Variants in UBR3 observed in about 807,000 individuals in gnomAD.
UBR3 encodes E3 ubiquitin-protein ligase UBR3.
Under a neutral mutation model 243.2 loss-of-function variants are expected in UBR3, and 85 were observed. That is an observed-to-expected ratio of 0.35 (90% CI 0.29 to 0.42). UBR3 has a LOEUF of 0.42. UBR3 is among the 10% of genes least tolerant of loss of function. UBR3 has a pLI of 1.00. For missense variants in UBR3, 1,686 were observed against 2,300.8 expected (o/e 0.73, Z 5.47); for synonymous variants, 748 against 799.8 (o/e 0.94, Z 1.09).
intron 1 of UBR3, among the ~76,000 whole-genome samples, chr2:169,864,160 G>A (rs971294417): frequency 2.6e-5 from 4 of 151,864 alleles, no homozygotes; most frequent in East Asian, 1.9e-4. Flanking sequence ...ATCTTCCTAC[G>A]TCAGCCTCCT....
intron 30 of UBR3, among the ~76,000 whole-genome samples, chr2:170,018,756 C>T (rs570253788): frequency 1.7e-3 from 253 of 152,202 alleles, no homozygotes; most frequent in African/African-American, 5.8e-3. Flanking sequence ...TAAGTACCAC[C>T]AACTTGGTTA....
chr2:170,049,684 G>A lies in UBR3; in HGVS notation c.4661-5776G>A, dbSNP rs1475950482. Among the ~76,000 whole-genome samples the A allele has an allele frequency of 2.6e-5, 4 of 152,042 alleles. No homozygotes were observed. The East Asian group carries it at 5.8e-4, about 22-fold the overall frequency. On this transcript the variant is annotated intron_variant, in intron 32 of 38. Transcript: ENST00000272793. ...TTACCTTGTGTTGCCCTTTCTAGAA[G>A]CCTTTCTATTGGATATCCTTTTTCT...
intron 30 of UBR3, among the ~76,000 whole-genome samples, chr2:170,021,701 T>G (rs1160520865): frequency 6.6e-6 from 1 of 152,150 alleles, no homozygotes; most frequent in Admixed American, 6.5e-5. Context: ...AGAATGAGAT[T>G]TATCCCCATG....
chr2:169,970,235 G>GTT (rs531832498), intron 24 of UBR3, among the ~76,000 whole-genome samples: 1,542 of 85,548 alleles, frequency 0.018, 18 homozygotes, highest in South Asian at 0.024. Flanking sequence ...TTGTTCCTAG[G>GTT]TTTTTTTTTT....
At chr2:169,959,496 A>G (rs982921935) in intron 24 of UBR3, among the ~76,000 whole-genome samples, 3 of 151,730 alleles carry the variant, frequency 2.0e-5, no homozygotes, top group Non-Finnish European at 4.4e-5. Flanking sequence ...TTTTCTGGCA[A>G]TTGTTGATTT....
chr2:170,010,789 C>G (rs2090059567), intron 29 of UBR3, among the ~76,000 whole-genome samples: 1 of 152,240 alleles, frequency 6.6e-6, no homozygotes, highest in South Asian at 2.1e-4. Context: ...ACTTTATTAT[C>G]TTTTGCTTGG....
chr2:169,953,828 T>C (rs981923413), intron 23 of UBR3, among the ~76,000 whole-genome samples: 2 of 152,190 alleles, frequency 1.3e-5, no homozygotes, highest in Non-Finnish European at 2.9e-5. Flanking sequence ...TAAAGAAGTA[T>C]GGCAAAACTT....
At chr2:170,028,915 A>G (rs1386551679) in intron 30 of UBR3, among the ~76,000 whole-genome samples, 1 of 151,972 alleles carries the variant, frequency 6.6e-6, no homozygotes, top group Admixed American at 6.6e-5. Context: ...TTAGAGGGAC[A>G]TACTAGGCAA....
chr2:169,954,118 G>A (rs957163563), intron 23 of UBR3, among the ~76,000 whole-genome samples: 2 of 152,024 alleles, frequency 1.3e-5, no homozygotes, highest in Non-Finnish European at 2.9e-5. Flanking sequence ...TGGTATTTGA[G>A]TATGATTTAG....
chr2:169,829,975 A>G (rs1349007105), intron 1 of UBR3, among the ~76,000 whole-genome samples: 2 of 152,134 alleles, frequency 1.3e-5, no homozygotes, highest in African/African-American at 4.8e-5. Flanking sequence ...AAAGGGTTAC[A>G]TACTTTCCAC....
intron 5 of UBR3, among the ~76,000 whole-genome samples, chr2:169,890,595 A>G (rs6730480): frequency 0.4 from 37,620 of 94,866 alleles, 9,736 homozygotes; most frequent in Non-Finnish European, 0.56. Flanking sequence ...ATATATATGT[A>G]TATATATGTA....
At chr2:169,939,055 G>A (rs2086462541) in intron 19 of UBR3, among the ~76,000 whole-genome samples, 1 of 150,884 alleles carries the variant, frequency 6.6e-6, no homozygotes, top group Non-Finnish European at 1.5e-5. Context: ...TTTATTTTAC[G>A]TTTATATTTA....
chr2:170,028,236 A>C (rs2090581937), intron 30 of UBR3, among the ~76,000 whole-genome samples: 1 of 151,856 alleles, frequency 6.6e-6, no homozygotes, highest in Non-Finnish European at 1.5e-5. Flanking sequence ...GTTTTATAAC[A>C]GCTTCCCAAA....
chr2:169,913,424 C>T (rs1194116019), intron 10 of UBR3, among the ~76,000 whole-genome samples: 3 of 148,362 alleles, frequency 2.0e-5, no homozygotes, highest in African/African-American at 7.4e-5. Context: ...ATTTAGAACT[C>T]GCCTATTTTG....
At chr2:169,952,707 T>C (rs552529107) in intron 23 of UBR3, among the ~76,000 whole-genome samples, 1 of 151,572 alleles carries the variant, frequency 6.6e-6, no homozygotes, top group East Asian at 1.9e-4. Flanking sequence ...AAAAAAAGTT[T>C]GTTATAAAAA....
intron 7 of UBR3, among the ~76,000 whole-genome samples, chr2:169,895,633 T>G (rs2084554404): frequency 6.6e-6 from 1 of 152,206 alleles, no homozygotes; most frequent in African/African-American, 2.4e-5. Context: ...TTCTAAATCC[T>G]CTGAAGAAGA....
intron 1 of UBR3, among the ~76,000 whole-genome samples, chr2:169,867,463 A>G (rs2083297377): frequency 6.6e-6 from 1 of 152,176 alleles, no homozygotes; most frequent in South Asian, 2.1e-4. Context: ...TAACTTTTTT[A>G]TATTGTAAAT....
intron 19 of UBR3, among the ~76,000 whole-genome samples, chr2:169,939,291 C>T (rs1353331537): frequency 6.6e-6 from 1 of 150,388 alleles, no homozygotes; most frequent in Non-Finnish European, 1.5e-5. Flanking sequence ...TGGAGTCTCG[C>T]CCTGTTGCCC....
At chr2:169,828,701 T>A (rs2081829545) in intron 1 of UBR3, among the ~76,000 whole-genome samples, 2 of 152,108 alleles carry the variant, frequency 1.3e-5, no homozygotes, top group South Asian at 2.1e-4. Context: ...CATTTAGAAT[T>A]GGGCTACTGA....
Sources: gnomAD v4.1 joint callset for allele counts (sites outside exome capture counted in the v4.1 genomes callset) on GRCh38, gnomAD v4.1.1 for gene constraint, MANE v1.5 for transcripts, NCBI Gene and HGNC (gene_info 2026-07-23, HGNC 2026-07-21) for gene names.